DNAI3: variants seen among roughly 807,000 people sequenced by gnomAD.
DNAI3 encodes WD repeat domain 63.
In DNAI3, 83 loss-of-function variants were observed where a neutral mutation model predicts 115.5. That is an observed-to-expected ratio of 0.72 (90% confidence interval 0.60 to 0.86). DNAI3 has a LOEUF of 0.86. Among genes scored for constraint, DNAI3 ranks in the 40% least tolerant of loss-of-function variants. The probability of loss-of-function intolerance (pLI) is 0.00; values close to 1 mark genes in which losing one functional copy is unlikely to be tolerated. For synonymous variants in DNAI3, 320 were observed against 347.0 expected (o/e 0.92, Z 0.86); for missense variants, 1,004 against 1,075.8 (o/e 0.93, Z 0.93).
intron 8 of DNAI3, among the ~76,000 whole-genome samples, chr1:85,091,678 A>G (rs1414357227): frequency 6.6e-6 from 1 of 152,236 alleles, no homozygotes; most frequent in Non-Finnish European, 1.5e-5. Context: ...ATTATTTGCA[A>G]AAGAAGGCAA....
At position 85,097,671 on chromosome 1, in the gene DNAI3, C is replaced by A; in HGVS notation, c.1350+16C>A. ...CACACTGAAGGTAAGCTTTTTACAA[C>A]ATTTCACTTGCAAGTTTTTTCCATT... On this transcript the variant is annotated intron_variant, in intron 12 of 22. Coordinates refer to ENST00000294664, the MANE Select transcript of DNAI3 (RefSeq NM_145172.5). 6.3e-7 allele frequency: 1 copy of A among 1,596,654 alleles called. No homozygotes were observed. The highest frequency in any genetic ancestry group is 8.5e-7 in the Non-Finnish European group (1 of 1,172,638).
At chr1:85,117,275 C>T (rs921166389) in intron 16 of DNAI3, among the ~76,000 whole-genome samples, 3 of 152,006 alleles carry the variant, frequency 2.0e-5, no homozygotes, top group Non-Finnish European at 4.4e-5. Flanking sequence ...CAAGAAAAGT[C>T]ACAATATTTT....
chr1:85,123,472 TA>T (rs1294042279), intron 18 of DNAI3, among the ~76,000 whole-genome samples: 1 of 152,150 alleles, frequency 6.6e-6, no homozygotes, highest in Non-Finnish European at 1.5e-5. Context: ...CTCAAGTGTG[TA>T]AAAGCACTAA....
At chr1:85,096,100 A>C (rs1655114507) in intron 11 of DNAI3, 80 bp downstream of exon 11, 6 of 1,312,186 alleles carry the variant, frequency 4.6e-6, no homozygotes, top group Admixed American at 1.7e-5. Context: ...AGTTCCTTGG[A>C]CTTAAGGATT....
chr1:85,092,765 C>T (rs538811974), intron 8 of DNAI3, among the ~76,000 whole-genome samples: 1 of 150,904 alleles, frequency 6.6e-6, no homozygotes, highest in African/African-American at 2.4e-5. Flanking sequence ...AACACAGTAG[C>T]ACCTCCCAGG....
chr1:85,071,967 C>T lies in DNAI3; in HGVS notation c.26C>T (p.Thr9Ile), dbSNP rs1481410197. The change falls in exon 2 of 23, where the codon ACA (threonine) becomes ATA (isoleucine). Residue 9 changes from threonine (T) to isoleucine (I), a missense_variant. Physicochemically the swap from Thr to Ile is moderately conservative, Grantham distance 89 (BLOSUM62 -1). This residue lies in a region of DNAI3 where 550 missense variants were observed against 568.1 expected (regional missense o/e 0.97). Transcript: ENST00000294664. Reference sequence around the variant, plus strand: ...ATGGCTCCAAAACAAAAGAAAAAGACATCACGTGGCAAAAAAAGACTAAAA... The same window carrying T: ...ATGGCTCCAAAACAAAAGAAAAAGATATCACGTGGCAAAAAAAGACTAAAA... MAPKQKKK[T>I]SRGKKRLKPV... The T allele has an allele frequency of 6.2e-7, 1 of 1,612,038 alleles. No homozygotes were observed. Among genetic ancestry groups the T allele is most frequent in the South Asian group, 1.1e-5 (1 of 90,350 alleles).
chr1:85,131,865 A>G (rs538238880), intron 22 of DNAI3, among the ~76,000 whole-genome samples: 160 of 152,352 alleles, frequency 1.1e-3, no homozygotes, highest in Non-Finnish European at 1.9e-3. Flanking sequence ...AATACTTTTT[A>G]AACACCTGAA....
In DNAI3 at chr1:85,085,457, C is replaced by A. The variant is rs1242843490; in HGVS notation, c.541-374C>A. On this transcript the variant is annotated intron_variant, in intron 6 of 22. Transcript: ENST00000294664. ...AGGCCTGCCAGGCTGCACTCTCAGG[C>A]AAAAGTCTGCAGAGGGAAGGCTTCA... Among the ~76,000 whole-genome samples, 12 of 152,254 alleles carry A rather than the reference C, an allele frequency of 7.9e-5. No homozygotes were observed. The South Asian group carries it at 2.3e-3, about 29-fold the overall frequency.
intron 2 of DNAI3, 97 bp from the exon 3 acceptor site, chr1:85,072,953 TCAAA>T: frequency 2.5e-6 from 1 of 404,022 alleles, no homozygotes; most frequent in Non-Finnish European, 3.4e-6. Flanking sequence ...AGACTCCGTC[TCAAA>T]AAAAAAAAAA....
At chr1:85,109,703 A>G (rs1413789490) in intron 15 of DNAI3, among the ~76,000 whole-genome samples, 1 of 152,204 alleles carries the variant, frequency 6.6e-6, no homozygotes, top group Admixed American at 6.5e-5. Context: ...TAACTGAATG[A>G]TTTAGGGAAC....
At chr1:85,124,311 G>A in intron 19 of DNAI3, 60 bp downstream of exon 19, 1 of 1,612,750 alleles carries the variant, frequency 6.2e-7, no homozygotes, top group South Asian at 1.1e-5. Context: ...AGAAAGACAA[G>A]AGGAACTGTT....
chr1:85,068,677 G>A (rs1465543828), intron 1 of DNAI3, among the ~76,000 whole-genome samples: 1 of 152,090 alleles, frequency 6.6e-6, no homozygotes, highest in Non-Finnish European at 1.5e-5. Flanking sequence ...CCTAATACAC[G>A]ACCTAGCCCC....
At chr1:85,090,298 G>A in intron 8 of DNAI3, 66 bp downstream of exon 8, 2 of 896,736 alleles carry the variant, frequency 2.2e-6, no homozygotes, top group Non-Finnish European at 3.2e-6. Flanking sequence ...TAGAATAACA[G>A]GTCTAAATAA....
intron 12 of DNAI3, among the ~76,000 whole-genome samples, chr1:85,098,044 CT>C (rs1655176816): frequency 6.6e-6 from 1 of 152,138 alleles, no homozygotes; most frequent in East Asian, 1.9e-4. Flanking sequence ...AGCACGATAG[CT>C]TTTCTCATGT....
intron 19 of DNAI3, among the ~76,000 whole-genome samples, chr1:85,125,937 A>C (rs1656121520): frequency 6.6e-6 from 1 of 152,226 alleles, no homozygotes; most frequent in Non-Finnish European, 1.5e-5. Flanking sequence ...AGATGATTGC[A>C]TGATGCTTTG....
chr1:85,099,028 T>A (rs1206859364), intron 13 of DNAI3, among the ~76,000 whole-genome samples: 1 of 152,196 alleles, frequency 6.6e-6, no homozygotes, highest in African/African-American at 2.4e-5. Flanking sequence ...TAAAGATCTG[T>A]GGCATACCAT....
intron 20 of DNAI3, among the ~76,000 whole-genome samples, chr1:85,127,213 T>G (rs1292444849): frequency 6.6e-6 from 1 of 152,238 alleles, no homozygotes; most frequent in Non-Finnish European, 1.5e-5. Context: ...CTTCATAAGA[T>G]AAAATGATTA....
chr1:85,087,434 CAAAAAAAA>C (rs1162431713), intron 7 of DNAI3, among the ~76,000 whole-genome samples: 22 of 46,652 alleles, frequency 4.7e-4, no homozygotes, highest in Non-Finnish European at 1.1e-4. Context: ...GACTCCATCT[CAAAAAAAA>C]AAAAAAAAAA....
chr1:85,073,467 A>G (rs12074154), intron 3 of DNAI3, among the ~76,000 whole-genome samples: 2,277 of 152,324 alleles, frequency 0.015, 60 homozygotes, highest in African/African-American at 0.051. Context: ...TATTTCAAGG[A>G]AAGAGGCTGG....
Sources: allele counts gnomAD v4.1 joint callset (sites outside exome capture counted in the v4.1 genomes callset), GRCh38; gene constraint gnomAD v4.1.1; regional missense constraint gnomAD v4.1.1; transcripts MANE v1.5; gene names NCBI Gene and HGNC (gene_info 2026-07-23, HGNC 2026-07-21).